The following ZNF385C variants were observed in gnomAD, a reference collection of about 807,000 sequenced individuals.
The protein encoded by ZNF385C is CTD-2132N18.2.
In ZNF385C, 28 loss-of-function variants were observed where a neutral mutation model predicts 35.4. The ratio of observed to expected loss-of-function variants is 0.79; its 90% CI spans 0.59 to 1.08. The LOEUF is 1.08. ZNF385C is among the 50% of genes least tolerant of loss of function. The probability of loss-of-function intolerance (pLI) is 0.00; values close to 1 mark genes in which losing one functional copy is unlikely to be tolerated. For synonymous variants in ZNF385C, 248 were observed against 248.2 expected, an observed-to-expected ratio of 1.00 and a Z score of 0.01; for missense variants, 605 against 595.6, an observed-to-expected ratio of 1.02 and a Z score of -0.16.
At chr17:42,075,218 T>TC (rs1324555683) in intron 1 of ZNF385C, among the ~76,000 whole-genome samples, 1 of 151,966 alleles carries the variant, frequency 6.6e-6, no homozygotes, top group African/African-American at 2.4e-5. Flanking sequence ...AAGATGTGCC[T>TC]CCCCCTTGTA....
intron 1 of ZNF385C, among the ~76,000 whole-genome samples, chr17:42,080,618 T>A (rs1306139880): frequency 6.6e-6 from 1 of 152,176 alleles, no homozygotes; most frequent in Non-Finnish European, 1.5e-5. Context: ...GGGGTATCCA[T>A]GGTCCACCTT....
At position 42,081,597 on chromosome 17, in the gene ZNF385C, G is replaced by A. The variant is rs566766661; in HGVS notation, c.-3+16813C>T. Among the ~76,000 whole-genome samples, 6 of 152,198 alleles carry A rather than the reference G, an allele frequency of 3.9e-5. No homozygotes were observed. In the East Asian group the frequency reaches 7.7e-4, roughly 20 times the overall value. Reference sequence around the variant, plus strand: ...TCACCACGTTGACCAGGCTGGTCTCGAACTCCTGACCTCAGTGACCTGCTC... The same window carrying A: ...TCACCACGTTGACCAGGCTGGTCTCAAACTCCTGACCTCAGTGACCTGCTC... On this transcript the variant is annotated intron_variant, in intron 1 of 8. Coordinates refer to ENST00000692273, the MANE Select transcript of ZNF385C (RefSeq NM_001392013.1).
chr17:42,096,612 G>A (rs1048163111), intron 1 of ZNF385C, among the ~76,000 whole-genome samples: 7 of 152,158 alleles, frequency 4.6e-5, no homozygotes, highest in South Asian at 2.1e-4. Flanking sequence ...TCAGTCACTC[G>A]TATTATTTAT....
chr17:42,032,284 T>G (rs1434370288), intron 4 of ZNF385C, among the ~76,000 whole-genome samples: 1 of 151,962 alleles, frequency 6.6e-6, no homozygotes, highest in Non-Finnish European at 1.5e-5. Context: ...ATGGTCTCGA[T>G]CTCCTGCCTC....
At chr17:42,068,853 G>A (rs570100320) in intron 1 of ZNF385C, among the ~76,000 whole-genome samples, 18 of 152,326 alleles carry the variant, frequency 1.2e-4, no homozygotes, top group African/African-American at 4.3e-4. Flanking sequence ...GACCTGAACT[G>A]ATGGGTGGGG....
chr17:42,060,358 C>A (rs562754532), intron 2 of ZNF385C, among the ~76,000 whole-genome samples: 57 of 152,336 alleles, frequency 3.7e-4, no homozygotes, highest in Admixed American at 1.3e-3. Flanking sequence ...CTGCTCAAAC[C>A]GCTTCTGCAA....
chr17:42,090,438 C>T (rs1194220210), intron 1 of ZNF385C, among the ~76,000 whole-genome samples: 3 of 151,718 alleles, frequency 2.0e-5, no homozygotes, highest in African/African-American at 7.2e-5. Flanking sequence ...AGGCTTGCGC[C>T]ATCACGCACT....
intron 2 of ZNF385C, among the ~76,000 whole-genome samples, chr17:42,053,966 G>C (rs1412612312): frequency 1.3e-5 from 2 of 152,190 alleles, no homozygotes; most frequent in Non-Finnish European, 2.9e-5. Context: ...GCGAGGGAGG[G>C]ACTCCTGGTT....
chr17:42,093,107 G>C (rs1429907940), intron 1 of ZNF385C, among the ~76,000 whole-genome samples: 1 of 152,216 alleles, frequency 6.6e-6, no homozygotes, highest in Non-Finnish European at 1.5e-5. Flanking sequence ...TGGGAGCGAT[G>C]GGGAGGCCAC....
chr17:42,042,829 C>T (rs1171357535), intron 2 of ZNF385C: 2 of 1,232,188 alleles, frequency 1.6e-6, no homozygotes, highest in East Asian at 6.3e-5. Flanking sequence ...CTGGCTGTCA[C>T]CCACCTGCAT....
intron 1 of ZNF385C, among the ~76,000 whole-genome samples, chr17:42,080,557 C>G (rs1437376270): frequency 6.6e-6 from 1 of 152,154 alleles, no homozygotes; most frequent in Non-Finnish European, 1.5e-5. Flanking sequence ...TCCAGGGTCA[C>G]CTGGGGTGGG....
chr17:42,093,698 A>G (rs1199528300), intron 1 of ZNF385C, among the ~76,000 whole-genome samples: 1 of 150,664 alleles, frequency 6.6e-6, no homozygotes. Flanking sequence ...CTCCTGCTTC[A>G]GTCTCCCGAG....
In ZNF385C at chr17:42,040,851, C is replaced by T. The variant is rs1279640634; in HGVS notation, c.251-2966G>A. The T allele has an allele frequency of 3.2e-6, 4 of 1,232,352 alleles. No individual in the cohort carries two copies. The East Asian group carries it at 9.5e-5, about 29-fold the overall frequency. The allele number at this position is 1,232,352 out of a possible 1,614,324, so 76.3% of individuals were successfully genotyped here. A position where few individuals can be genotyped will look rare whatever the true frequency, so the allele number is the denominator to read the frequency against. ...CTGTCCGGCCAGGGAGACAATGCAG[C>T]TCTGCCAGCAGTGGGCAAGTGGCCC... is the stretch of plus-strand genomic sequence containing the variant. On this transcript the variant is annotated intron_variant, in intron 2 of 8. Coordinates refer to ENST00000692273, the MANE Select transcript of ZNF385C (RefSeq NM_001392013.1).
At chr17:42,098,067 C>T (rs1314846667) in intron 1 of ZNF385C, among the ~76,000 whole-genome samples, 1 of 152,238 alleles carries the variant, frequency 6.6e-6, no homozygotes, top group African/African-American at 2.4e-5. Flanking sequence ...ATGGCGCACT[C>T]TCAGTCAACG....
intron 2 of ZNF385C, chr17:42,041,045 C>T (rs1046485251): frequency 8.1e-7 from 1 of 1,232,354 alleles, no homozygotes. Flanking sequence ...GCGGGCTGGC[C>T]ATCACAGGGG....
chr17:42,050,831 G>T lies in ZNF385C; in HGVS notation c.250+11976C>A, dbSNP rs1223238739. On this transcript the variant is annotated intron_variant, in intron 2 of 8. Transcript: ENST00000692273. The surrounding 1 kb of genome is among the most constrained non-coding windows in gnomAD (Gnocchi z 5.6). ...GGCAGCAGGAGCCAGAGGCTAGACCGCAGGCAGCGCGGTGCCGGGGTTCAT... is the reference window on the plus strand; with the variant it reads ...GGCAGCAGGAGCCAGAGGCTAGACCTCAGGCAGCGCGGTGCCGGGGTTCAT... 7.7e-4 allele frequency among the ~76,000 whole-genome samples: 117 copies of T among 151,770 alleles called. No individual in the cohort carries two copies. Among genetic ancestry groups the T allele is most frequent in the African/African-American group, 2.8e-3 (115 of 41,496 alleles).
At chr17:42,059,899 G>A (rs1555657858) in intron 2 of ZNF385C, among the ~76,000 whole-genome samples, 1 of 152,334 alleles carries the variant, frequency 6.6e-6, no homozygotes, top group South Asian at 2.1e-4. Context: ...TGGGATGACA[G>A]GCGTGAGCCT....
intron 1 of ZNF385C, among the ~76,000 whole-genome samples, chr17:42,070,796 A>G (rs74592900): frequency 0.014 from 2,071 of 152,314 alleles, 48 homozygotes; most frequent in African/African-American, 0.048. Flanking sequence ...GAAGAAGAGA[A>G]GCCTCATCTG....
chr17:42,087,184 T>C (rs2053818206), intron 1 of ZNF385C, among the ~76,000 whole-genome samples: 1 of 152,150 alleles, frequency 6.6e-6, no homozygotes, highest in African/African-American at 2.4e-5. Context: ...AATAGCCCTA[T>C]TAAAGGGTTA....
Sources: allele counts gnomAD v4.1 joint callset (sites outside exome capture counted in the v4.1 genomes callset), GRCh38; gene constraint gnomAD v4.1.1; non-coding constraint Gnocchi (gnomAD v3.1); transcripts MANE v1.5; gene names NCBI Gene and HGNC (gene_info 2026-07-23, HGNC 2026-07-21).